Variants in PDE1A observed in about 807,000 individuals in gnomAD.
The protein encoded by PDE1A is dual specificity calcium/calmodulin-dependent 3',5'-cyclic nucleotide phosphodiesterase 1A.
Under a neutral mutation model 61.7 loss-of-function variants are expected in PDE1A, and 35 were observed. The ratio of observed to expected loss-of-function variants is 0.57; its 90% CI spans 0.43 to 0.75. The LOEUF (loss-of-function observed/expected upper bound fraction) is 0.75, where lower values mean the gene tolerates loss of function less well. Among genes scored for constraint, PDE1A ranks in the 30% least tolerant of loss-of-function variants. The probability of loss-of-function intolerance (pLI) is 0.00; values close to 1 mark genes in which losing one functional copy is unlikely to be tolerated. For missense variants in PDE1A, 597 were observed against 630.6 expected (o/e 0.95, Z 0.57); for synonymous variants, 232 against 213.2 (o/e 1.09, Z -0.77).
chr2:182,634,903 A>G, the PDE1A span, among the ~76,000 whole-genome samples: 2 of 152,218 alleles, frequency 1.3e-5, no homozygotes, highest in African/African-American at 4.8e-5. Context: ...AATATTGAAA[A>G]CAGGTGCAAA....
chr2:182,294,981 C>T (rs1694778103), intron 1 of PDE1A, among the ~76,000 whole-genome samples: 1 of 151,352 alleles, frequency 6.6e-6, no homozygotes, highest in African/African-American at 2.4e-5. Context: ...CCCAGTTTTC[C>T]GCAGCTAATT....
At chr2:182,611,101 T>A in the PDE1A span, among the ~76,000 whole-genome samples, 1,063 of 152,318 alleles carry the variant, frequency 7.0e-3, 13 homozygotes, top group African/African-American at 0.024. Context: ...AGCTATTGCC[T>A]TACAGGGCCC....
the PDE1A span, among the ~76,000 whole-genome samples, chr2:182,705,848 A>G: frequency 5.3e-5 from 8 of 152,340 alleles, no homozygotes; most frequent in South Asian, 1.7e-3. Flanking sequence ...AAAGTTCATG[A>G]CAGTAGAGTT....
At chr2:182,243,015 A>G (rs191297289) in intron 2 of PDE1A, among the ~76,000 whole-genome samples, 197 of 151,798 alleles carry the variant, frequency 1.3e-3, no homozygotes, top group Admixed American at 2.6e-3. Flanking sequence ...CGTGATAACT[A>G]CCAGTGTAGG....
intron 2 of PDE1A, among the ~76,000 whole-genome samples, chr2:182,467,837 T>C (rs10200242): frequency 0.72 from 109,374 of 151,806 alleles, 39,688 homozygotes; most frequent in East Asian, 0.95. Flanking sequence ...GGTTCAGTTC[T>C]AGTCTACCAC....
At chr2:182,649,089 G>T in the PDE1A span, among the ~76,000 whole-genome samples, 14 of 152,242 alleles carry the variant, frequency 9.2e-5, no homozygotes, top group East Asian at 2.7e-3. Context: ...CCCTCTGGTG[G>T]CCTAGAATAC....
the PDE1A span, among the ~76,000 whole-genome samples, chr2:182,616,455 T>C: frequency 6.6e-6 from 1 of 152,218 alleles, no homozygotes; most frequent in Non-Finnish European, 1.5e-5. Context: ...AAGGATATAA[T>C]ATGTCCAGAA....
the PDE1A span, among the ~76,000 whole-genome samples, chr2:182,568,964 A>G: frequency 1.3e-5 from 2 of 152,004 alleles, no homozygotes; most frequent in Non-Finnish European, 2.9e-5. Flanking sequence ...ATTCATCTTG[A>G]TATTTTTTAC....
chr2:182,167,920 G>T, exon 14 of PDE1A: 2 of 1,103,860 alleles, frequency 1.8e-6, no homozygotes, highest in Non-Finnish European at 2.2e-6. Context: ...TTGTAGAAAT[G>T]ACAAAATTAG....
chr2:182,318,854 C>A (rs766920361), intron 1 of PDE1A, among the ~76,000 whole-genome samples: 1 of 151,896 alleles, frequency 6.6e-6, no homozygotes, highest in Non-Finnish European at 1.5e-5. Flanking sequence ...TTTTTAAAAC[C>A]TTTAAAAAGA....
intron 1 of PDE1A, among the ~76,000 whole-genome samples, chr2:182,382,853 T>C (rs1700811358): frequency 6.6e-6 from 1 of 152,206 alleles, no homozygotes; most frequent in Non-Finnish European, 1.5e-5. Context: ...TTCCAAAATA[T>C]GAATTATAGC....
chr2:182,703,695 A>G, the PDE1A span, among the ~76,000 whole-genome samples: 1 of 152,160 alleles, frequency 6.6e-6, no homozygotes, highest in Non-Finnish European at 1.5e-5. Context: ...TGAACAAATC[A>G]TTTCACTTTT....
intron 1 of PDE1A, among the ~76,000 whole-genome samples, chr2:182,409,311 T>A (rs150474095): frequency 6.6e-6 from 1 of 152,162 alleles, no homozygotes; most frequent in Non-Finnish European, 1.5e-5. Context: ...CAATGATTAA[T>A]CTCAAATATT....
At chr2:182,241,445 T>C (rs1690501276) in intron 2 of PDE1A, among the ~76,000 whole-genome samples, 1 of 152,190 alleles carries the variant, frequency 6.6e-6, no homozygotes, top group Admixed American at 6.5e-5. Flanking sequence ...TTGTACATGC[T>C]AATGCCTCAG....
At chr2:182,451,096 G>GCATAAAGTATTAGTATGTATGT (rs1685484046) in intron 2 of PDE1A, among the ~76,000 whole-genome samples, 2,678 of 23,462 alleles carry the variant, frequency 0.11, 875 homozygotes, top group East Asian at 0.66. Context: ...ATTTTAACTA[G>GCATAAAGTATTAGTATGTATGT]GGCCGGGCGC....
intron 2 of PDE1A, among the ~76,000 whole-genome samples, chr2:182,485,458 C>A (rs1342053152): frequency 6.6e-6 from 1 of 151,958 alleles, no homozygotes; most frequent in East Asian, 1.9e-4. Context: ...GTACAACAAA[C>A]CCCCGTGACA....
chr2:182,668,953 A>G, the PDE1A span, among the ~76,000 whole-genome samples: 1 of 152,254 alleles, frequency 6.6e-6, no homozygotes, highest in East Asian at 1.9e-4. Flanking sequence ...AGGTTACATA[A>G]TGCATGGGAC....
At chr2:182,450,493 T>C (rs1685437232) in intron 2 of PDE1A, among the ~76,000 whole-genome samples, 1 of 152,032 alleles carries the variant, frequency 6.6e-6, no homozygotes, top group Non-Finnish European at 1.5e-5. Flanking sequence ...AAACTGAATT[T>C]ATTGGCTCAC....
intron 13 of PDE1A, among the ~76,000 whole-genome samples, chr2:182,155,081 C>T (rs1271067353): frequency 5.5e-5 from 6 of 108,178 alleles, no homozygotes; most frequent in Admixed American, 1.1e-4. Context: ...AATTTTAATT[C>T]TGCTTTTTTT....
Sources: gnomAD v4.1 joint callset for allele counts (sites outside exome capture counted in the v4.1 genomes callset) on GRCh38, gnomAD v4.1.1 for gene constraint, MANE v1.5 for transcripts, NCBI Gene and HGNC (gene_info 2026-07-23, HGNC 2026-07-21) for gene names.